PIKFYVE: variants seen among roughly 807,000 people sequenced by gnomAD.
PIKFYVE encodes the protein phosphoinositide kinase, FYVE-type zinc finger containing, also known as 1-phosphatidylinositol 3-phosphate 5-kinase.
PIKFYVE carries 122 observed loss-of-function variants against 257.9 expected under a neutral mutation model. The ratio of observed to expected loss-of-function variants is 0.47; its 90% CI spans 0.41 to 0.55. The LOEUF is 0.55. PIKFYVE is among the 20% of genes least tolerant of loss of function. PIKFYVE has a pLI of 0.00. For missense variants in PIKFYVE, 2,160 were observed against 2,536.6 expected (o/e 0.85, Z 3.19); for synonymous variants, 892 against 868.9 (o/e 1.03, Z -0.47).
intron 14 of PIKFYVE, among the ~76,000 whole-genome samples, 194 bp downstream of exon 14, chr2:208,314,617 G>A (rs963561744): frequency 2.0e-5 from 3 of 152,102 alleles, no homozygotes; most frequent in African/African-American, 4.8e-5. Flanking sequence ...CAAGAGCCCC[G>A]GCTGGGTGCA....
Position 208,326,133 on chromosome 2 carries a change from AG to A in PIKFYVE, c.3325del (p.Asp1109IlefsTer8), listed in dbSNP as rs1332168822. 1.2e-6 allele frequency: 2 copies of A among 1,614,116 alleles called. No individual in the cohort carries two copies. Among genetic ancestry groups the A allele is most frequent in the Non-Finnish European group, 1.7e-6 (2 of 1,180,052 alleles). On this transcript the variant is annotated frameshift_variant, in exon 20 of 42. Transcript: ENST00000264380. LOFTEE classifies it high-confidence loss of function. ...GAACAGGAGGAAGAAACAGCTGCTC[AG>A]GGATCTCTCTGGACTTCAGGGCATG... ...MENRRKKQLLRDLSGLQGMNG... is the reference protein window; with the variant it reads ...MENRRKKQLLXDLSGLQGMNG...
At chr2:208,309,270 G>T (rs889462889) in intron 12 of PIKFYVE, among the ~76,000 whole-genome samples, 14 of 152,056 alleles carry the variant, frequency 9.2e-5, no homozygotes, top group Non-Finnish European at 1.6e-4. Flanking sequence ...TCAAGCAATA[G>T]ATTGAGACTA....
chr2:208,323,574 T>G (rs1267502055), intron 17 of PIKFYVE, among the ~76,000 whole-genome samples: 2 of 152,170 alleles, frequency 1.3e-5, no homozygotes, highest in African/African-American at 4.8e-5. Context: ...TAAACATACT[T>G]GTGCATGTGT....
intron 23 of PIKFYVE, 52 bp downstream of exon 23, chr2:208,330,746 A>G (rs1288031446): frequency 2.3e-5 from 34 of 1,459,992 alleles, no homozygotes; most frequent in Non-Finnish European, 2.9e-5. Flanking sequence ...CTTTATTTGT[A>G]TGTTTTTTTT....
At chr2:208,305,862 A>G (rs1433321934) in intron 12 of PIKFYVE, among the ~76,000 whole-genome samples, 1 of 152,222 alleles carries the variant, frequency 6.6e-6, no homozygotes, top group Non-Finnish European at 1.5e-5. Flanking sequence ...AATCATTATT[A>G]TAAAGATGAA....
intron 34 of PIKFYVE, among the ~76,000 whole-genome samples, chr2:208,346,758 G>C (rs775796819): frequency 7.2e-5 from 11 of 152,200 alleles, no homozygotes; most frequent in Non-Finnish European, 1.3e-4. Context: ...ACCAAACCTG[G>C]AGGTTGGCAG....
At chr2:208,344,053 C>T (rs1415743181) in intron 32 of PIKFYVE, among the ~76,000 whole-genome samples, 3 of 151,858 alleles carry the variant, frequency 2.0e-5, no homozygotes, top group African/African-American at 4.8e-5. Flanking sequence ...CTCCTGACCT[C>T]GTGATCCACC....
intron 41 of PIKFYVE, 21 bp from the exon 42 acceptor site, chr2:208,355,168 CT>C: frequency 6.3e-7 from 1 of 1,580,802 alleles, no homozygotes; most frequent in Non-Finnish European, 8.7e-7. Context: ...CTTTTTCCCC[CT>C]TTTCTCTTTC....
At chr2:208,343,856 G>A (rs1467716003) in intron 32 of PIKFYVE, among the ~76,000 whole-genome samples, 2 of 146,898 alleles carry the variant, frequency 1.4e-5, no homozygotes, top group African/African-American at 5.0e-5. Flanking sequence ...TTTTGAGACA[G>A]AGTCTTTCTC....
At chr2:208,279,753 C>T (rs1690569577) in intron 5 of PIKFYVE, among the ~76,000 whole-genome samples, 1 of 152,070 alleles carries the variant, frequency 6.6e-6, no homozygotes, top group Admixed American at 6.6e-5. Context: ...GTTCCATTGG[C>T]TTATGTGCCT....
chr2:208,325,503 C>T lies in PIKFYVE; in HGVS notation c.2692C>T (p.His898Tyr), dbSNP rs1696820434. 6.2e-7 allele frequency: 1 copy of T among 1,614,184 alleles called. No homozygotes were observed. The highest frequency in any genetic ancestry group is 2.2e-5 in the East Asian group (1 of 44,880). Reference sequence around the variant, plus strand: ...CCATTCCCTGATTGAGGGACGAGGGCATGAGGGGGCTGTCCAAGAGCAGTA... The same window carrying T: ...CCATTCCCTGATTGAGGGACGAGGGTATGAGGGGGCTGTCCAAGAGCAGTA... ...SFHSLIEGRG[H>Y]EGAVQEQYGG... is the part of the protein sequence containing the mutation. The change falls in exon 20 of 42, where the codon CAT (histidine) becomes TAT (tyrosine). Residue 898 changes from histidine to tyrosine, a missense_variant. Around this residue, in one of 12 missense-constraint regions of PIKFYVE, gnomAD observed 522 missense variants for 514.6 expected, o/e 1.01. Coordinates refer to ENST00000264380, the MANE Select transcript of PIKFYVE (RefSeq NM_015040.4).
intron 8 of PIKFYVE, among the ~76,000 whole-genome samples, chr2:208,300,088 TTA>T: frequency 6.6e-6 from 1 of 152,238 alleles, no homozygotes; most frequent in Middle Eastern, 3.4e-3. Context: ...GGGAAGATCC[TTA>T]ATAGTGGAAG....
chr2:208,294,349 T>G (rs1359189462), intron 7 of PIKFYVE, among the ~76,000 whole-genome samples: 2 of 152,222 alleles, frequency 1.3e-5, no homozygotes, highest in African/African-American at 4.8e-5. Flanking sequence ...CTTAGCATAT[T>G]AATTATAGTT....
chr2:208,322,177 C>T (rs2125545100), intron 17 of PIKFYVE, among the ~76,000 whole-genome samples: 1 of 151,724 alleles, frequency 6.6e-6, no homozygotes. Context: ...GCCAGGAGTT[C>T]AAGACCAGCC....
chr2:208,267,014 T>G (rs1688724502), intron 1 of PIKFYVE, among the ~76,000 whole-genome samples: 1 of 152,198 alleles, frequency 6.6e-6, no homozygotes, highest in Non-Finnish European at 1.5e-5. Flanking sequence ...TTGGAAACTT[T>G]TAGGACTTAG....
intron 1 of PIKFYVE, among the ~76,000 whole-genome samples, chr2:208,268,835 C>T (rs1421377189): frequency 6.6e-6 from 1 of 151,228 alleles, no homozygotes; most frequent in African/African-American, 2.4e-5. Flanking sequence ...CTGTTTAAGT[C>T]AGTGGTTTCA....
chr2:208,345,146 C>G lies in PIKFYVE; in HGVS notation c.5063C>G (p.Ser1688Cys). The part of the protein sequence containing the change: ...KEYRNALEEL[S>C]KATQWNSAEE... ...TACCGAAATGCCTTAGAGGAATTGT[C>G]TAAAGCGACTCAGTGGAACAGTGCC... Residue 1688 changes from serine to cysteine, a missense_variant, in exon 33 of 42, where the codon TCT (serine) becomes TGT (cysteine). This residue lies in a region of PIKFYVE where 699 missense variants were observed against 855.8 expected (regional missense o/e 0.82). Transcript: ENST00000264380. 1 of 1,611,790 alleles carries G rather than the reference C, an allele frequency of 6.2e-7. No individual in the cohort carries two copies. Among genetic ancestry groups the G allele is most frequent in the Non-Finnish European group, 8.5e-7 (1 of 1,178,302 alleles).
rs1197866463 is a variant in PIKFYVE at position 208,276,724 on chromosome 2, A to C, written c.335A>C (p.Lys112Thr). The change falls in exon 4 of 42, where the codon AAA (lysine) becomes ACA (threonine). Residue 112 changes from lysine to threonine, a missense_variant. By Grantham distance (78) the Lys-to-Thr change is moderately conservative. This residue lies in a region of PIKFYVE where 172 missense variants were observed against 180.6 expected (regional missense o/e 0.95). Coordinates refer to ENST00000264380, the MANE Select transcript of PIKFYVE (RefSeq NM_015040.4). ...RRSSALDTRR[K>T]AEPTFGGHDP... is the part of the protein sequence containing the mutation. ...TAATCCAACTCAGACACAAGAAGGA[A>C]AGCAGAACCTACCTTTGGAGGTCAT... is the stretch of plus-strand genomic sequence containing the variant. 6.2e-7 allele frequency: 1 copy of C among 1,613,426 alleles called. No homozygotes were observed. The highest frequency in any genetic ancestry group is 8.5e-7 in the Non-Finnish European group (1 of 1,179,522).
At chr2:208,279,207 A>C (rs1690491867) in intron 5 of PIKFYVE, among the ~76,000 whole-genome samples, 1 of 152,078 alleles carries the variant, frequency 6.6e-6, no homozygotes, top group African/African-American at 2.4e-5. Context: ...TCTTTTTTTG[A>C]GAAGTGTCTG....
Sources: gnomAD v4.1 joint callset for allele counts (sites outside exome capture counted in the v4.1 genomes callset) on GRCh38, gnomAD v4.1.1 for gene constraint, gnomAD v4.1.1 regional missense constraint, MANE v1.5 for transcripts, NCBI Gene and HGNC (gene_info 2026-07-23, HGNC 2026-07-21) for gene names.